The following PER3 variants were observed in gnomAD, a reference collection of about 807,000 sequenced individuals.
The protein encoded by PER3 is period circadian protein homolog 3.
A neutral mutation model predicts 127.2 loss-of-function variants in PER3; 107 were observed. The ratio of observed to expected loss-of-function variants is 0.84; its 90% CI spans 0.72 to 0.99. The LOEUF is 0.99. Among genes scored for constraint, PER3 ranks in the 50% least tolerant of loss-of-function variants. The pLI is 0.00. For synonymous variants in PER3, 618 were observed against 585.8 expected, an observed-to-expected ratio of 1.05 and a Z score of -0.79; for missense variants, 1,560 against 1,525.8, an observed-to-expected ratio of 1.02 and a Z score of -0.37.
chr1:7,836,022 G>T, intron 20 of PER3, 77 bp downstream of exon 20: 1 of 1,007,218 alleles, frequency 9.9e-7, no homozygotes, highest in Non-Finnish European at 1.5e-6. Flanking sequence ...TTTTGAGACG[G>T]AGTCTCGCCC....
At chr1:7,819,262 C>T (rs228690) in intron 13 of PER3, 23 bp from the exon 14 acceptor site, 118,826 of 1,598,548 alleles carry the variant, frequency 0.074, 4,828 homozygotes, top group Middle Eastern at 0.079. Flanking sequence ...CTTTTAATTG[C>T]ACATCCCTTT....
intron 3 of PER3, 23 bp downstream of exon 3, chr1:7,785,609 T>A: frequency 6.2e-7 from 1 of 1,604,632 alleles, no homozygotes; most frequent in Non-Finnish European, 8.5e-7. Context: ...GAGAGAAATT[T>A]CATCCTACGA....
intron 13 of PER3, among the ~76,000 whole-genome samples, chr1:7,817,089 G>T (rs975153103): frequency 6.6e-6 from 1 of 152,178 alleles, no homozygotes; most frequent in African/African-American, 2.4e-5. Flanking sequence ...ATTCCATTCT[G>T]GAAAAGCGTT....
At chr1:7,834,750 G>A (rs1317566378) in intron 19 of PER3, among the ~76,000 whole-genome samples, 6 of 152,006 alleles carry the variant, frequency 3.9e-5, no homozygotes, top group South Asian at 4.2e-4. Context: ...GAGCCACCAC[G>A]CCCAACCTAA....
rs1029091937 is a variant in PER3, at chr1:7,794,100, T to G, written c.644+92T>G. 7.8e-6 allele frequency: 8 copies of G among 1,020,122 alleles called. No homozygotes were observed. In the South Asian group the frequency reaches 8.9e-5, roughly 11 times the overall value. The allele number at this position is 1,020,122 out of a possible 1,614,324, so 63.2% of individuals were successfully genotyped here. On this transcript the variant is annotated intron_variant, in intron 6 of 21. Coordinates refer to ENST00000377532, the MANE Select transcript of PER3 (RefSeq NM_001377275.1). ...TTGATTCTTGTGTATTCAGCTCACT[T>G]CTGTTGCGAGATACAAAAAATAAGA...
In PER3 at chr1:7,803,887, T is replaced by C. The variant is rs759521971; in HGVS notation, c.1136+39T>C. ...TTTTCATATTTTCTAAAACATCTCT[T>C]GTATCAAATAATATTCCTTAGCTTA... On this transcript the variant is annotated intron_variant, in intron 10 of 21. Coordinates refer to ENST00000377532, the MANE Select transcript of PER3 (RefSeq NM_001377275.1). The C allele has an allele frequency of 4.6e-6, 7 of 1,530,634 alleles. No homozygotes were observed. The South Asian group carries it at 6.8e-5, about 15-fold the overall frequency. The allele number at this position is 1,530,634 out of a possible 1,614,324, so 94.8% of individuals were successfully genotyped here. A position where few individuals can be genotyped will look rare whatever the true frequency, so the allele number is the denominator to read the frequency against.
At chr1:7,840,245 C>A (rs975598097) in intron 21 of PER3, among the ~76,000 whole-genome samples, 1 of 151,846 alleles carries the variant, frequency 6.6e-6, no homozygotes, top group Non-Finnish European at 1.5e-5. Context: ...TTTACTATCT[C>A]TTTATTGATA....
rs1285314055 is a variant in PER3, at chr1:7,843,044, G to A, written c.*289G>A. 1.6e-5 allele frequency: 3 copies of A among 182,978 alleles called. No individual in the cohort carries two copies. Among genetic ancestry groups the A allele is most frequent in the African/African-American group, 2.3e-5 (1 of 42,590 alleles). 11.3% of individuals were successfully genotyped at this position (182,978 alleles called of 1,614,324 possible). A position where few individuals can be genotyped will look rare whatever the true frequency, so the allele number is the denominator to read the frequency against. The stretch of plus-strand genomic sequence containing the variant: ...AGGTATGTGTATCTTTATTTCAGAT[G>A]TCACCCAGAGTAAATTATAATTAGA... On this transcript the variant is annotated 3_prime_UTR_variant, in exon 22 of 22. Transcript: ENST00000377532.
At chr1:7,823,686 A>G (rs1344812284) in intron 16 of PER3, among the ~76,000 whole-genome samples, 1 of 152,144 alleles carries the variant, frequency 6.6e-6, no homozygotes, top group Non-Finnish European at 1.5e-5. Flanking sequence ...ATAAGGAAAT[A>G]GACTTTCCAT....
At position 7,826,430 on chromosome 1, in the gene PER3, T is replaced by G. The variant is rs1196885961; in HGVS notation, c.1958-50T>G. On this transcript the variant is annotated intron_variant, in intron 16 of 21. Transcript: ENST00000377532. The surrounding 1 kb of genome is among the most constrained non-coding windows in gnomAD (Gnocchi z 4.2). ...AAGGCAGTTAACAAAGTAAAATAAA[T>G]ACAAATAATTGATAGGAATTAAAAT... is the stretch of plus-strand genomic sequence containing the variant. The G allele has an allele frequency of 9.9e-7, 1 of 1,013,234 alleles. No individual in the cohort carries two copies. Among genetic ancestry groups the G allele is most frequent in the Non-Finnish European group, 1.5e-6 (1 of 652,742 alleles). The allele number at this position is 1,013,234 out of a possible 1,614,324, so 62.8% of individuals were successfully genotyped here.
chr1:7,803,668 T>A, intron 9 of PER3, 24 bp from the exon 10 acceptor site: 1 of 1,447,242 alleles, frequency 6.9e-7, no homozygotes, highest in Non-Finnish European at 9.6e-7. Context: ...GTAAATCCTA[T>A]TTTTGTCTTA....
In PER3 at chr1:7,836,999, G is replaced by A; in HGVS notation, c.3399G>A (p.Arg1133=). ...TAAGATTCTGTTTGTTTGTTTTCAGGGTTAAAGAAGTTGTACTAAAAGAAG... is the reference window on the plus strand; with the variant it reads ...TAAGATTCTGTTTGTTTGTTTTCAGAGTTAAAGAAGTTGTACTAAAAGAAG... The part of the protein sequence containing the change: ...RILMTYQVPE[R]VKEVVLKEDL... Residue 1133 remains arginine (R), a splice_region_variant and synonymous_variant, in exon 21 of 22, where the codon AGG becomes AGA. Transcript: ENST00000377532. 1 of 1,611,492 alleles carries A rather than the reference G, an allele frequency of 6.2e-7. No homozygotes were observed. The highest frequency in any genetic ancestry group is 8.5e-7 in the Non-Finnish European group (1 of 1,178,722).
chr1:7,787,948 T>C, intron 4 of PER3, 97 bp from the exon 5 acceptor site: 1 of 847,628 alleles, frequency 1.2e-6, no homozygotes, highest in Non-Finnish European at 2.0e-6. Context: ...TATTTTAAGA[T>C]ACTGGTCATG....
rs1209079172 is a variant in PER3 at position 7,843,380 on chromosome 1, A to G, written c.*625A>G. 2 of 152,314 alleles carry G rather than the reference A, an allele frequency of 1.3e-5. No homozygotes were observed. Among genetic ancestry groups the G allele is most frequent in the Non-Finnish European group, 2.9e-5 (2 of 68,030 alleles). The allele number at this position is 152,314 out of a possible 1,614,324, so 9.4% of individuals were successfully genotyped here. On this transcript the variant is annotated 3_prime_UTR_variant, in exon 22 of 22. Coordinates refer to ENST00000377532, the MANE Select transcript of PER3 (RefSeq NM_001377275.1). ...TAGATCCCTTTCCTATTGATTTCCCACCTTCCAGTGAAATTCTGAAAGTCT... is the reference window on the plus strand; with the variant it reads ...TAGATCCCTTTCCTATTGATTTCCCGCCTTCCAGTGAAATTCTGAAAGTCT...
At position 7,788,082 on chromosome 1, in the gene PER3, G is replaced by A. The variant is rs113068661; in HGVS notation, c.428G>A (p.Arg143Lys). The stretch of plus-strand genomic sequence containing the variant: ...GCAGTATTTTCATTTCTGTCTGGAA[G>A]GTTAGTGCACATTTCTGAACAGGCT... ...FVAVFSFLSG[R>K]LVHISEQAAL... The change falls in exon 5 of 22, where the codon AGG (arginine) becomes AAG (lysine). Residue 143 changes from arginine (R) to lysine (K), a missense_variant. Arg to Lys is a conservative substitution (Grantham distance 26). Transcript: ENST00000377532. The A allele has an allele frequency of 8.7e-6, 14 of 1,613,744 alleles. 1 individual carries two copies. The African/African-American group carries it at 1.7e-4, about 20-fold the overall frequency.
At chr1:7,836,084 A>G (rs1379156684) in intron 20 of PER3, 139 bp downstream of exon 20, 1 of 582,992 alleles carries the variant, frequency 1.7e-6, no homozygotes, top group Non-Finnish European at 3.1e-6. Context: ...TGCAACCTCC[A>G]TCTCCTGGGT....
chr1:7,798,431 T>G (rs1473016716), intron 6 of PER3, 94 bp from the exon 7 acceptor site: 1 of 974,532 alleles, frequency 1.0e-6, no homozygotes, highest in African/African-American at 1.6e-5. Flanking sequence ...ATGTCTGTCT[T>G]GGAAATTACC....
chr1:7,821,829 C>T (rs2097278134), intron 16 of PER3, among the ~76,000 whole-genome samples: 1 of 152,200 alleles, frequency 6.6e-6, no homozygotes. Flanking sequence ...TAAAACATAT[C>T]TCTATGTCTT....
At position 7,793,967 on chromosome 1, in the gene PER3, G is replaced by C. The variant is rs1247262843; in HGVS notation, c.603G>C (p.Arg201=). The change falls in exon 6 of 22, where the codon CGG becomes CGC. Residue 201 remains arginine (R), a synonymous_variant. Coordinates refer to ENST00000377532, the MANE Select transcript of PER3 (RefSeq NM_001377275.1). ...WNNWTQRAAA[R]YECAPVKPFF... ...CATCTTTCTTTCTAGCAGCTGCACG[G>C]TATGAATGTGCTCCGGTGAAACCTT... 2 of 1,613,834 alleles carry C rather than the reference G, an allele frequency of 1.2e-6. No individual in the cohort carries two copies. Among genetic ancestry groups the C allele is most frequent in the African/African-American group, 1.3e-5 (1 of 74,902 alleles).
Sources: allele counts gnomAD v4.1 joint callset (sites outside exome capture counted in the v4.1 genomes callset), GRCh38; gene constraint gnomAD v4.1.1; non-coding constraint Gnocchi (gnomAD v3.1); transcripts MANE v1.5; gene names NCBI Gene and HGNC (gene_info 2026-07-23, HGNC 2026-07-21).